FANCA: variants seen among roughly 807,000 people sequenced by gnomAD.
FANCA encodes Fanconi anemia group A protein.
Under a neutral mutation model 194.3 loss-of-function variants are expected in FANCA, and 236 were observed. That is an observed-to-expected ratio of 1.21 (90% CI 1.09 to 1.35). The LOEUF (loss-of-function observed/expected upper bound fraction) is 1.35. Ranked by LOEUF, FANCA falls within the 40% of genes most tolerant of loss-of-function variation. FANCA has a pLI of 0.00. For missense variants in FANCA, 2,628 were observed against 1,813.9 expected (o/e 1.45, Z -8.15); for synonymous variants, 1,014 against 715.8 (o/e 1.42, Z -6.65).
At chr16:89,751,829 G>A (rs1007439406) in intron 31 of FANCA, among the ~76,000 whole-genome samples, 3 of 151,286 alleles carry the variant, frequency 2.0e-5, no homozygotes, top group Non-Finnish European at 2.9e-5. Flanking sequence ...GGAGTGCAGT[G>A]GCACAATCTC....
chr16:89,770,309 A>G (rs1398035353), intron 24 of FANCA, 50 bp from the exon 25 acceptor site: 1 of 1,456,586 alleles, frequency 6.9e-7, no homozygotes, highest in Non-Finnish European at 9.4e-7. Context: ...AGTCCTGCAC[A>G]TCCCTCCAAC....
intron 10 of FANCA, 117 bp from the exon 11 acceptor site, chr16:89,796,135 T>C: frequency 2.6e-6 from 2 of 783,580 alleles, no homozygotes; most frequent in South Asian, 2.8e-5. Flanking sequence ...GAAGGGGCTT[T>C]CTTGGCCAGG....
At chr16:89,799,764 C>A (rs1276551395) in intron 8 of FANCA, 126 bp from the exon 9 acceptor site, 1 of 777,376 alleles carries the variant, frequency 1.3e-6, no homozygotes, top group South Asian at 1.4e-5. Flanking sequence ...GAGGCCGAGG[C>A]GGGCGGATCA....
intron 18 of FANCA, among the ~76,000 whole-genome samples, chr16:89,779,459 A>T (rs1210619146): frequency 2.8e-5 from 4 of 145,208 alleles, no homozygotes; most frequent in Non-Finnish European, 4.6e-5. Flanking sequence ...AGGCATTGAT[A>T]AAAAAAAAAA....
chr16:89,749,539 T>C (rs1390018180), intron 32 of FANCA, among the ~76,000 whole-genome samples, 191 bp downstream of exon 32: 1 of 152,214 alleles, frequency 6.6e-6, no homozygotes, highest in Non-Finnish European at 1.5e-5. Context: ...AAGGTTTTAA[T>C]CAAAAGTACT....
chr16:89,805,540 C>G, intron 6 of FANCA, 148 bp from the exon 7 acceptor site: 1 of 655,300 alleles, frequency 1.5e-6, no homozygotes. Flanking sequence ...GTCACTGCAC[C>G]CTCGACCTCC....
At chr16:89,747,144 G>A (rs945924613) in intron 33 of FANCA, among the ~76,000 whole-genome samples, 5 of 152,308 alleles carry the variant, frequency 3.3e-5, no homozygotes, top group African/African-American at 9.6e-5. Flanking sequence ...GCTCCAGGAA[G>A]AAGCCAGGGA....
intron 11 of FANCA, among the ~76,000 whole-genome samples, chr16:89,793,437 T>C (rs540247401): frequency 6.6e-6 from 1 of 152,190 alleles, no homozygotes; most frequent in Non-Finnish European, 1.5e-5. Context: ...ATTATAATAT[T>C]GCAATAAACA....
intron 11 of FANCA, chr16:89,792,754 G>A (rs2040119705): frequency 5.8e-6 from 3 of 513,852 alleles, no homozygotes; most frequent in African/African-American, 5.8e-5. Flanking sequence ...GACCGGTAGT[G>A]GCCCTGAATG....
At chr16:89,781,326 T>C (rs1353325012) in intron 17 of FANCA, among the ~76,000 whole-genome samples, 1 of 125,580 alleles carries the variant, frequency 8.0e-6, no homozygotes, top group East Asian at 2.4e-4. Flanking sequence ...ACTGCGCCAC[T>C]GCACTCCAGC....
At chr16:89,760,935 C>T (rs1389054140) in intron 29 of FANCA, among the ~76,000 whole-genome samples, 1 of 152,142 alleles carries the variant, frequency 6.6e-6, no homozygotes, top group Non-Finnish European at 1.5e-5. Flanking sequence ...CAGCCATAGC[C>T]CAGCCAGGGT....
chr16:89,783,557 A>G (rs1306977424), intron 15 of FANCA, among the ~76,000 whole-genome samples: 1 of 151,742 alleles, frequency 6.6e-6, no homozygotes, highest in South Asian at 2.1e-4. Flanking sequence ...TTTCCAAAAA[A>G]AAAAACAACA....
rs2040522222 is a variant in FANCA at position 89,803,303 on chromosome 16, T to G, written c.748A>C (p.Asn250His). The G allele has an allele frequency of 6.2e-7, 1 of 1,614,176 alleles. No homozygotes were observed. The highest frequency in any genetic ancestry group is 1.3e-5 in the African/African-American group (1 of 75,040). ...QMFVLRGFQK[N>H]SDLRRTVEPE... The stretch of plus-strand genomic sequence containing the variant: ...TCCACAGTTCTTCTCAGATCTGAGT[T>G]TTTCTGAAATCCCCTCAAAACAAAC... Residue 250 changes from asparagine (N) to histidine (H), a missense_variant, in exon 8 of 43, where the codon AAC (asparagine) becomes CAC (histidine). Physicochemically the swap from Asn to His is moderately conservative, Grantham distance 68. Transcript: ENST00000389301.
rs369548782 is a variant in FANCA, at chr16:89,758,681, G to C, written c.2877C>G (p.Ile959Met). 1 of 1,613,958 alleles carries C rather than the reference G, an allele frequency of 6.2e-7. No homozygotes were observed. Among genetic ancestry groups the C allele is most frequent in the Non-Finnish European group, 8.5e-7 (1 of 1,179,870 alleles). ...AGGACTCAGGGAGAAAGTGCTCATG[G>C]ATCGCCCACTGGTGGAAGTCCTGCC... ...TERQDFHQWA[I>M]HEHFLPESSA... The change falls in exon 30 of 43, where the codon ATC becomes ATG. Residue 959 changes from isoleucine to methionine, a missense_variant. By Grantham distance (10) the Ile-to-Met change is conservative. Transcript: ENST00000389301.
chr16:89,804,700 G>C (rs1202947703), intron 7 of FANCA, among the ~76,000 whole-genome samples: 2 of 152,126 alleles, frequency 1.3e-5, no homozygotes, highest in African/African-American at 2.4e-5. Flanking sequence ...TTCTTAGTTT[G>C]TGGGGGGACA....
chr16:89,792,943 C>T (rs2040125865), intron 11 of FANCA, among the ~76,000 whole-genome samples: 2 of 152,176 alleles, frequency 1.3e-5, no homozygotes, highest in Non-Finnish European at 2.9e-5. Flanking sequence ...ATTATTTCTG[C>T]ATATCAGAGA....
At chr16:89,812,876 T>A (rs1355146309) in intron 3 of FANCA, among the ~76,000 whole-genome samples, 1 of 148,146 alleles carries the variant, frequency 6.8e-6, no homozygotes, top group Non-Finnish European at 1.5e-5. Context: ...CTACTAAAAA[T>A]ACAAAAATTA....
intron 15 of FANCA, among the ~76,000 whole-genome samples, 195 bp from the exon 16 acceptor site, chr16:89,783,297 T>C (rs953078162): frequency 3.3e-5 from 5 of 152,064 alleles, no homozygotes; most frequent in African/African-American, 1.2e-4. Flanking sequence ...ACACCTGTAA[T>C]CCCAGCACTT....
At chr16:89,785,670 G>A (rs2039870378) in intron 14 of FANCA, among the ~76,000 whole-genome samples, 1 of 152,128 alleles carries the variant, frequency 6.6e-6, no homozygotes, top group Non-Finnish European at 1.5e-5. Context: ...CAGACAGAAT[G>A]TGGGCCTCTG....
Sources: gnomAD v4.1 joint callset for allele counts (sites outside exome capture counted in the v4.1 genomes callset) on GRCh38, gnomAD v4.1.1 for gene constraint, MANE v1.5 for transcripts, NCBI Gene and HGNC (gene_info 2026-07-23, HGNC 2026-07-21) for gene names.